DNAAF11: variants seen among roughly 807,000 people sequenced by gnomAD.
DNAAF11 encodes the protein dynein axonemal assembly factor 11, also known as leucine rich repeat containing 6.
Under a neutral mutation model 60.8 loss-of-function variants are expected in DNAAF11, and 45 were observed. That is an observed-to-expected ratio of 0.74 (90% CI 0.58 to 0.95). The LOEUF (loss-of-function observed/expected upper bound fraction) is 0.95. Ranked by LOEUF, DNAAF11 falls within the 40% of genes least tolerant of loss-of-function variation. The pLI is 0.00. For missense variants in DNAAF11, 546 were observed against 546.2 expected (o/e 1.00, Z 0.00); for synonymous variants, 191 against 183.5 (o/e 1.04, Z -0.33).
the DNAAF11 span, among the ~76,000 whole-genome samples, chr8:132,684,761 C>T: frequency 6.6e-6 from 1 of 152,244 alleles, no homozygotes; most frequent in African/African-American, 2.4e-5. Context: ...TTCATGTGAG[C>T]TCCCCAGTAT....
At chr8:132,627,973 T>C (rs1339677874) in intron 5 of DNAAF11, among the ~76,000 whole-genome samples, 5 of 152,196 alleles carry the variant, frequency 3.3e-5, no homozygotes, top group Non-Finnish European at 5.9e-5. Flanking sequence ...GTCAATATAC[T>C]TCCTGGCTCC....
chr8:132,685,525 G>A, the DNAAF11 span, among the ~76,000 whole-genome samples: 1 of 152,118 alleles, frequency 6.6e-6, no homozygotes, highest in African/African-American at 2.4e-5. Flanking sequence ...TTTTTTGTGA[G>A]AAGACTTTGT....
intron 7 of DNAAF11, among the ~76,000 whole-genome samples, chr8:132,621,886 G>T (rs1202970760): frequency 6.6e-6 from 1 of 152,204 alleles, no homozygotes; most frequent in African/African-American, 2.4e-5. Flanking sequence ...ACCTGTGACT[G>T]CTGTGAAGAC....
At chr8:132,648,679 A>G (rs554646103) in intron 3 of DNAAF11, among the ~76,000 whole-genome samples, 129 of 152,336 alleles carry the variant, frequency 8.5e-4, no homozygotes, top group African/African-American at 2.9e-3. Context: ...ATAAAAAATC[A>G]ATGTGCAAAA....
intron 10 of DNAAF11, 137 bp downstream of exon 10, chr8:132,610,029 C>A (rs978208146): frequency 2.3e-5 from 14 of 601,672 alleles, no homozygotes; most frequent in Admixed American, 1.7e-4. Flanking sequence ...GTTCTCCTAC[C>A]TCAGCTGCTG....
At chr8:132,626,425 A>G (rs907729967) in intron 5 of DNAAF11, among the ~76,000 whole-genome samples, 1 of 152,224 alleles carries the variant, frequency 6.6e-6, no homozygotes, top group South Asian at 2.1e-4. Flanking sequence ...TTTACATGGT[A>G]ACAGTTCTCT....
At chr8:132,622,727 G>T in intron 6 of DNAAF11, 39 bp from the exon 7 acceptor site, 2 of 1,377,760 alleles carry the variant, frequency 1.5e-6, no homozygotes, top group Non-Finnish European at 2.0e-6. Context: ...GGGCAGCATG[G>T]AAAGAAAAAA....
intron 11 of DNAAF11, among the ~76,000 whole-genome samples, chr8:132,581,748 A>G (rs1815366764): frequency 6.9e-6 from 1 of 145,260 alleles, no homozygotes; most frequent in Non-Finnish European, 1.5e-5. Context: ...ATCAACTTTG[A>G]CATCTTGGGA....
chr8:132,651,341 G>A (rs917003548), intron 3 of DNAAF11, among the ~76,000 whole-genome samples: 7 of 151,328 alleles, frequency 4.6e-5, no homozygotes, highest in Admixed American at 2.6e-4. Context: ...AAAGCAAAAC[G>A]ATTTATTTTT....
chr8:132,661,940 T>C (rs1253678993), intron 1 of DNAAF11, among the ~76,000 whole-genome samples: 1 of 152,230 alleles, frequency 6.6e-6, no homozygotes, highest in Non-Finnish European at 1.5e-5. Flanking sequence ...AATGTTTACA[T>C]GGAATCTTAT....
intron 10 of DNAAF11, among the ~76,000 whole-genome samples, chr8:132,607,449 G>T (rs537049712): frequency 5.4e-4 from 82 of 152,236 alleles, no homozygotes; most frequent in African/African-American, 1.9e-3. Flanking sequence ...GCTGAGCTGG[G>T]AACATCCACT....
intron 10 of DNAAF11, among the ~76,000 whole-genome samples, chr8:132,603,530 A>G (rs1306245523): frequency 6.6e-6 from 1 of 151,860 alleles, no homozygotes; most frequent in African/African-American, 2.4e-5. Flanking sequence ...GAGGAGGACA[A>G]GGGATGATCA....
In DNAAF11 at chr8:132,582,763, G is replaced by A. The variant is rs145613389; in HGVS notation, c.1226+931C>T. 7.6e-4 allele frequency among the ~76,000 whole-genome samples: 116 copies of A among 152,262 alleles called. 1 individual carries two copies. The East Asian group carries it at 8.9e-3, about 12-fold the overall frequency. On this transcript the variant is annotated intron_variant, in intron 11 of 11. Coordinates refer to ENST00000620350, the MANE Select transcript of DNAAF11 (RefSeq NM_012472.6). ...AACACATATATATAGCTCTTGTTCA[G>A]GTATTTTTATGATGGTAATTCTAGC...
At chr8:132,605,732 G>A (rs1237046324) in intron 10 of DNAAF11, among the ~76,000 whole-genome samples, 2 of 152,150 alleles carry the variant, frequency 1.3e-5, no homozygotes, top group African/African-American at 2.4e-5. Context: ...TTGTAAATAT[G>A]GGTATCAGGA....
chr8:132,584,888 G>A (rs1815728242), intron 10 of DNAAF11, among the ~76,000 whole-genome samples: 1 of 152,148 alleles, frequency 6.6e-6, no homozygotes, highest in Non-Finnish European at 1.5e-5. Context: ...ACTGGCTCAG[G>A]CATGTGTCTC....
intron 2 of DNAAF11, among the ~76,000 whole-genome samples, chr8:132,658,795 T>C (rs745735011): frequency 6.6e-5 from 10 of 152,096 alleles, no homozygotes; most frequent in Non-Finnish European, 1.5e-4. Context: ...AGTCATATGA[T>C]AGAAAAGTAA....
chr8:132,632,738 A>G lies in DNAAF11; in HGVS notation c.653+2T>C. 1.9e-6 allele frequency: 3 copies of G among 1,597,914 alleles called. No individual in the cohort carries two copies. Among genetic ancestry groups the G allele is most frequent in the East Asian group, 2.2e-5 (1 of 44,752 alleles). On this transcript the variant is annotated splice_donor_variant, in intron 5 of 11. Coordinates refer to ENST00000620350, the MANE Select transcript of DNAAF11 (RefSeq NM_012472.6). LOFTEE classifies it high-confidence loss of function. ...TAGAAAGTAAACTAATAATTTACAT[A>G]CAGAGTAGCATTGATGTCTGTGTAC... is the stretch of plus-strand genomic sequence containing the variant.
At chr8:132,670,655 G>A (rs1341791758) in intron 1 of DNAAF11, among the ~76,000 whole-genome samples, 1 of 151,980 alleles carries the variant, frequency 6.6e-6, no homozygotes, top group Non-Finnish European at 1.5e-5. Context: ...TGCATTACAA[G>A]AAAAGAAAAC....
chr8:132,639,918 C>T lies in DNAAF11; in HGVS notation c.257-1811G>A, dbSNP rs541782554. On this transcript the variant is annotated intron_variant, in intron 3 of 11. Transcript: ENST00000620350. ...TGTCTAACATAGAGAAAAGATAAAA[C>T]GAGAAAAAAATACAAGGAAAAGAAA... 6.0e-5 allele frequency among the ~76,000 whole-genome samples: 9 copies of T among 151,180 alleles called. No homozygotes were observed. In the South Asian group the frequency reaches 8.4e-4, roughly 14 times the overall value.
Sources: gnomAD v4.1 joint callset for allele counts (sites outside exome capture counted in the v4.1 genomes callset) on GRCh38, gnomAD v4.1.1 for gene constraint, MANE v1.5 for transcripts, NCBI Gene and HGNC (gene_info 2026-07-23, HGNC 2026-07-21) for gene names.